The following NUP98 variants were observed in gnomAD, a reference collection of about 807,000 sequenced individuals.
NUP98 encodes nucleoporin 98 and 96 precursor, also known as nuclear pore complex protein Nup98-Nup96.
In NUP98, 26 loss-of-function variants were observed where a neutral mutation model predicts 191.9. The observed-to-expected ratio is 0.14, with a 90% CI of 0.10 to 0.19. NUP98 has a LOEUF of 0.19. NUP98 is among the 10% of genes least tolerant of loss of function. The pLI, the probability that NUP98 is intolerant of heterozygous loss-of-function variation, is 1.00. For missense variants in NUP98, 1,941 were observed against 2,178.8 expected, an observed-to-expected ratio of 0.89 and a Z score of 2.17; for synonymous variants, 808 against 778.4, an observed-to-expected ratio of 1.04 and a Z score of -0.63.
chr11:3,707,569 G>A (rs1187061987), intron 20 of NUP98, among the ~76,000 whole-genome samples: 1 of 151,072 alleles, frequency 6.6e-6, no homozygotes, highest in Non-Finnish European at 1.5e-5. Context: ...CCAACATGGT[G>A]GTGAAACTGT....
At chr11:3,769,908 G>A (rs1404966393) in intron 7 of NUP98, among the ~76,000 whole-genome samples, 1 of 152,040 alleles carries the variant, frequency 6.6e-6, no homozygotes, top group Non-Finnish European at 1.5e-5. Flanking sequence ...GCCAGGCATG[G>A]TGGTGGGCAT....
intron 29 of NUP98, 55 bp from the exon 30 acceptor site, chr11:3,683,496 C>T: frequency 6.3e-7 from 1 of 1,598,338 alleles, no homozygotes; most frequent in Non-Finnish European, 8.5e-7. Context: ...GAGAAGGCTG[C>T]CCCAGGCAGC....
chr11:3,726,757 C>T (rs1386124515), intron 14 of NUP98, among the ~76,000 whole-genome samples: 1 of 151,776 alleles, frequency 6.6e-6, no homozygotes, highest in Non-Finnish European at 1.5e-5. Flanking sequence ...TCTGATGTTA[C>T]CATCAGATTA....
chr11:3,790,448 A>T (rs2082298482), intron 1 of NUP98, among the ~76,000 whole-genome samples: 2 of 152,198 alleles, frequency 1.3e-5, no homozygotes, highest in East Asian at 3.8e-4. Context: ...TGTGACCCAA[A>T]GACCCCTAAA....
intron 8 of NUP98, among the ~76,000 whole-genome samples, chr11:3,764,402 A>G (rs978182297): frequency 6.6e-6 from 1 of 152,184 alleles, no homozygotes; most frequent in Admixed American, 6.5e-5. Flanking sequence ...TAATGCTGTT[A>G]TGTTCACTTG....
At chr11:3,785,154 TA>T (rs369808746) in intron 1 of NUP98, among the ~76,000 whole-genome samples, 8,391 of 123,118 alleles carry the variant, frequency 0.068, 265 homozygotes, top group Middle Eastern at 0.11. Context: ...TATAAATGAA[TA>T]AAAAAAAAAA....
chr11:3,740,322 C>A (rs377698188), intron 12 of NUP98, among the ~76,000 whole-genome samples: 2 of 152,026 alleles, frequency 1.3e-5, no homozygotes, highest in Non-Finnish European at 2.9e-5. Flanking sequence ...ACCAGCCTAG[C>A]CAATATGGTG....
intron 11 of NUP98, among the ~76,000 whole-genome samples, chr11:3,749,958 G>A (rs276895): frequency 0.45 from 69,012 of 151,986 alleles, 16,135 homozygotes; most frequent in African/African-American, 0.55. Flanking sequence ...TTCCAACACT[G>A]CAATTCCAAT....
At chr11:3,704,570 T>C (rs1270227275) in intron 22 of NUP98, among the ~76,000 whole-genome samples, 1 of 152,248 alleles carries the variant, frequency 6.6e-6, no homozygotes, top group Non-Finnish European at 1.5e-5. Context: ...TAAGTAATGT[T>C]ATAAAAATTG....
intron 7 of NUP98, among the ~76,000 whole-genome samples, chr11:3,769,327 G>A (rs946560081): frequency 6.6e-6 from 1 of 152,094 alleles, no homozygotes; most frequent in Non-Finnish European, 1.5e-5. Context: ...TTGGGAGACC[G>A]AGGTGGGTAT....
chr11:3,716,273 T>C (rs79528150), intron 18 of NUP98, among the ~76,000 whole-genome samples: 15,200 of 152,196 alleles, frequency 0.1, 1,596 homozygotes, highest in African/African-American at 0.26. Flanking sequence ...CTTCACTCTT[T>C]TGTATGTGGA....
intron 1 of NUP98, among the ~76,000 whole-genome samples, chr11:3,786,175 TCTAGAGC>T (rs930019596): frequency 3.3e-5 from 5 of 152,036 alleles, no homozygotes; most frequent in East Asian, 1.9e-4. Context: ...GCTTCTAGAG[TCTAGAGC>T]CTAGAGCTCC....
intron 12 of NUP98, among the ~76,000 whole-genome samples, chr11:3,739,391 G>A (rs1164017880): frequency 6.6e-6 from 1 of 152,110 alleles, no homozygotes; most frequent in Non-Finnish European, 1.5e-5. Context: ...TGGGATTACA[G>A]GTGCCTGCCG....
intron 30 of NUP98, 106 bp downstream of exon 30, chr11:3,683,094 G>C: frequency 6.8e-7 from 1 of 1,480,820 alleles, no homozygotes; most frequent in Non-Finnish European, 9.1e-7. Flanking sequence ...GATTCAAGAT[G>C]GCCATGTCCT....
At chr11:3,762,620 A>G (rs1440830072) in intron 9 of NUP98, among the ~76,000 whole-genome samples, 1 of 152,172 alleles carries the variant, frequency 6.6e-6, no homozygotes, top group Non-Finnish European at 1.5e-5. Context: ...TTCAATTTAG[A>G]CTCAACAATT....
chr11:3,742,992 G>A (rs900091693), intron 12 of NUP98, among the ~76,000 whole-genome samples: 2 of 151,884 alleles, frequency 1.3e-5, no homozygotes, highest in African/African-American at 4.8e-5. Context: ...TTCACTTCCT[G>A]TGGAATATAA....
chr11:3,779,389 C>T, intron 2 of NUP98, 132 bp from the exon 3 acceptor site: 2 of 789,316 alleles, frequency 2.5e-6, no homozygotes, highest in Non-Finnish European at 4.2e-6. Context: ...CGCCTGTAAT[C>T]CCAGCACTTT....
At chr11:3,746,095 C>A (rs867132314) in intron 11 of NUP98, among the ~76,000 whole-genome samples, 1 of 151,682 alleles carries the variant, frequency 6.6e-6, no homozygotes, top group Non-Finnish European at 1.5e-5. Flanking sequence ...CATGGAGAAA[C>A]CCTGTCTCTA....
At chr11:3,693,761 C>T (rs1430188353) in intron 26 of NUP98, among the ~76,000 whole-genome samples, 1 of 152,174 alleles carries the variant, frequency 6.6e-6, no homozygotes, top group African/African-American at 2.4e-5. Context: ...GATCTTCTCA[C>T]TGTCTATGGT....
Sources: allele counts gnomAD v4.1 joint callset (sites outside exome capture counted in the v4.1 genomes callset), GRCh38; gene constraint gnomAD v4.1.1; transcripts MANE v1.5; gene names NCBI Gene and HGNC (gene_info 2026-07-23, HGNC 2026-07-21).